DYRK1A: variants seen among roughly 807,000 people sequenced by gnomAD.
DYRK1A encodes dual specificity tyrosine-phosphorylation-regulated kinase 1A.
In DYRK1A, 9 loss-of-function variants were observed where a neutral mutation model predicts 79.7. That is an observed-to-expected ratio of 0.11 (90% confidence interval 0.07 to 0.20). DYRK1A has a LOEUF of 0.20. DYRK1A is among the 10% of genes least tolerant of loss of function. DYRK1A has a pLI of 1.00. For missense variants in DYRK1A, 622 were observed against 956.0 expected, an observed-to-expected ratio of 0.65 and a Z score of 4.61; for synonymous variants, 349 against 329.7, an observed-to-expected ratio of 1.06 and a Z score of -0.63.
intron 9 of DYRK1A, among the ~76,000 whole-genome samples, chr21:37,500,410 A>G (rs1302983472): frequency 4.6e-5 from 7 of 152,172 alleles, no homozygotes; most frequent in African/African-American, 1.7e-4. Context: ...TATGTCATTA[A>G]TGGATATTTG....
intron 2 of DYRK1A, among the ~76,000 whole-genome samples, chr21:37,422,688 A>G (rs1051720672): frequency 1.3e-5 from 2 of 152,134 alleles, no homozygotes; most frequent in Non-Finnish European, 2.9e-5. Context: ...GGTGATGAAT[A>G]TGTTAATTGG....
In DYRK1A at chr21:37,523,192, A is replaced by G. The variant is rs1264051225; in HGVS notation, c.*10661A>G. 1 of 152,192 alleles carries G rather than the reference A, an allele frequency of 6.6e-6. No individual in the cohort carries two copies. The highest frequency in any genetic ancestry group is 1.5e-5 in the Non-Finnish European group (1 of 68,154). The allele number at this position is 152,192 out of a possible 1,614,324, so 9.4% of individuals were successfully genotyped here. ...GTAGCTGGGACCACAGGCGCATGCC[A>G]CTGTGCCTGGCTAAATTATTTTATA... On this transcript the variant is annotated 3_prime_UTR_variant, in exon 12 of 12. Coordinates refer to ENST00000647188, the MANE Select transcript of DYRK1A (RefSeq NM_001347721.2).
intron 11 of DYRK1A, among the ~76,000 whole-genome samples, chr21:37,508,521 A>G (rs1044030821): frequency 6.6e-6 from 1 of 152,198 alleles, no homozygotes; most frequent in Non-Finnish European, 1.5e-5. Context: ...TCCCGACCTC[A>G]GGTTATCTGG....
Position 37,512,425 on chromosome 21 carries a change from C to A in DYRK1A, c.2159C>A (p.Ala720Glu). The A allele has an allele frequency of 2.5e-6, 4 of 1,614,214 alleles. No individual in the cohort carries two copies. In the South Asian group the frequency reaches 3.3e-5, roughly 13 times the overall value. ...TYQFSANTGP[A>E]HYMTEGHLTM... ...CAATTTTCTGCTAATACAGGTCCTG[C>A]ACATTACATGACTGAAGGACATCTG... Residue 720 changes from alanine to glutamate, a missense_variant, in exon 12 of 12, where the codon GCA (alanine) becomes GAA (glutamate). Physicochemically the swap from Ala to Glu is moderately radical, Grantham distance 107 (BLOSUM62 -1). Around this residue, in one of 5 missense-constraint regions of DYRK1A, gnomAD observed 292 missense variants for 316.7 expected, o/e 0.92. Transcript: ENST00000647188.
chr21:37,391,924 T>A (rs1431147218), intron 1 of DYRK1A, among the ~76,000 whole-genome samples: 1 of 152,242 alleles, frequency 6.6e-6, no homozygotes, highest in Non-Finnish European at 1.5e-5. Context: ...TAAACAAACA[T>A]ACAGATCCTC....
intron 3 of DYRK1A, among the ~76,000 whole-genome samples, chr21:37,473,373 A>G (rs2052293073): frequency 6.6e-6 from 1 of 152,168 alleles, no homozygotes; most frequent in Non-Finnish European, 1.5e-5. Context: ...GCTATTCACC[A>G]TTTTTCTATG....
chr21:37,420,288 T>A lies in DYRK1A; in HGVS notation c.-76-11T>A. The A allele has an allele frequency of 8.6e-7, 1 of 1,160,352 alleles. No homozygotes were observed. 71.9% of individuals were successfully genotyped at this position (1,160,352 alleles called of 1,614,324 possible). On this transcript the variant is annotated splice_polypyrimidine_tract_variant and intron_variant, in intron 1 of 11. Transcript: ENST00000647188. ...ATTATCTCTTATCATAATCTGTTTT[T>A]CTTCACACAGTGTTATAGTTTTGCC...
chr21:37,483,330 A>G (rs889606352), intron 5 of DYRK1A, among the ~76,000 whole-genome samples: 1 of 152,142 alleles, frequency 6.6e-6, no homozygotes. Flanking sequence ...GCAACACTCT[A>G]TGTCATTAGC....
chr21:37,437,477 T>C (rs533429044), intron 2 of DYRK1A, among the ~76,000 whole-genome samples: 3 of 152,328 alleles, frequency 2.0e-5, no homozygotes, highest in South Asian at 2.1e-4. Context: ...TATTGTGTTA[T>C]AATTGGCCTA....
At position 37,374,381 on chromosome 21, in the gene DYRK1A, AAG is replaced by A. The variant is rs1213706895; in HGVS notation, c.-77+6757_-77+6758del. ...TCTTGAATTCCTGTGGATTTGAAAA[AAG>A]AGAAATATAAATATCTAAGATTCCC... On this transcript the variant is annotated intron_variant, in intron 1 of 11. Coordinates refer to ENST00000647188, the MANE Select transcript of DYRK1A (RefSeq NM_001347721.2). Among the ~76,000 whole-genome samples the A allele has an allele frequency of 4.0e-5, 6 of 150,570 alleles. No individual in the cohort carries two copies. In the Admixed American group the frequency reaches 4.0e-4, roughly 10 times the overall value.
chr21:37,458,357 ACTAT>A (rs1232628371), intron 2 of DYRK1A, among the ~76,000 whole-genome samples: 3 of 149,284 alleles, frequency 2.0e-5, no homozygotes, highest in South Asian at 4.3e-4. Context: ...CTAGTATTTC[ACTAT>A]CTTTTTGATT....
chr21:37,398,297 G>C (rs1450290796), intron 1 of DYRK1A, among the ~76,000 whole-genome samples: 1 of 150,662 alleles, frequency 6.6e-6, no homozygotes, highest in Non-Finnish European at 1.5e-5. Context: ...TGGTAGGATT[G>C]CACCTCTGCC....
chr21:37,425,958 A>T (rs2050606377), intron 2 of DYRK1A, among the ~76,000 whole-genome samples: 1 of 152,230 alleles, frequency 6.6e-6, no homozygotes, highest in East Asian at 1.9e-4. Flanking sequence ...AGCAGCTGGA[A>T]CTGGAGATAG....
chr21:37,514,532 C>T lies in DYRK1A; in HGVS notation c.*2001C>T, dbSNP rs910778949. ...GTGGCTGACTAGGTCAATTTTTTTT[C>T]TGAACAAAAGCAGGTTTTTATATGT... is the stretch of plus-strand genomic sequence containing the variant. On this transcript the variant is annotated 3_prime_UTR_variant, in exon 12 of 12. Transcript: ENST00000647188. 1 of 152,478 alleles carries T rather than the reference C, an allele frequency of 6.6e-6. No homozygotes were observed. Among genetic ancestry groups the T allele is most frequent in the African/African-American group, 2.4e-5 (1 of 41,400 alleles). The allele number at this position is 152,478 out of a possible 1,614,324, so 9.4% of individuals were successfully genotyped here. A position where few individuals can be genotyped will look rare whatever the true frequency, so the allele number is the denominator to read the frequency against.
intron 1 of DYRK1A, among the ~76,000 whole-genome samples, chr21:37,416,775 G>A (rs1323373502): frequency 1.3e-5 from 2 of 151,166 alleles, no homozygotes. Flanking sequence ...GGCATCTTCT[G>A]AGTTATCTTT....
intron 2 of DYRK1A, among the ~76,000 whole-genome samples, chr21:37,449,439 T>G (rs1010950068): frequency 1.3e-5 from 2 of 152,196 alleles, no homozygotes; most frequent in African/African-American, 4.8e-5. Flanking sequence ...CATCCTAGGT[T>G]TTGGCATTTG....
chr21:37,500,692 G>GT (rs1383560908), intron 9 of DYRK1A, among the ~76,000 whole-genome samples: 4 of 151,888 alleles, frequency 2.6e-5, no homozygotes, highest in Non-Finnish European at 4.4e-5. Context: ...TTGGTAAGTT[G>GT]TATCTTTCAA....
chr21:37,464,260 C>G (rs1304539633), intron 2 of DYRK1A: 2 of 476,878 alleles, frequency 4.2e-6, no homozygotes, highest in Non-Finnish European at 8.3e-6. Context: ...TGAAATATTT[C>G]TCTGTAGAAT....
Position 37,518,955 on chromosome 21 carries a change from T to C in DYRK1A, c.*6424T>C, listed in dbSNP as rs2053908136. The C allele has an allele frequency of 6.6e-6, 1 of 152,186 alleles. No homozygotes were observed. The highest frequency in any genetic ancestry group is 2.1e-4 in the South Asian group (1 of 4,820). 9.4% of individuals were successfully genotyped at this position (152,186 alleles called of 1,614,324 possible). On this transcript the variant is annotated 3_prime_UTR_variant, in exon 12 of 12. Transcript: ENST00000647188. The stretch of plus-strand genomic sequence containing the variant: ...TGGAGTTTGATTACCAAAGTTTACA[T>C]AGAGTAATGGATAATTAAAATTTTC...
Sources: gnomAD v4.1 joint callset for allele counts (sites outside exome capture counted in the v4.1 genomes callset) on GRCh38, gnomAD v4.1.1 for gene constraint, gnomAD v4.1.1 regional missense constraint, MANE v1.5 for transcripts, NCBI Gene and HGNC (gene_info 2026-07-23, HGNC 2026-07-21) for gene names.